LRP1B: variants seen among roughly 807,000 people sequenced by gnomAD.
LRP1B encodes the protein low-density lipoprotein receptor-related protein 1B.
A neutral mutation model predicts 556.6 loss-of-function variants in LRP1B; 217 were observed. That is an observed-to-expected ratio of 0.39 (90% CI 0.35 to 0.44). The LOEUF is 0.44. LRP1B is among the 20% of genes least tolerant of loss of function. The pLI, the probability that LRP1B is intolerant of heterozygous loss-of-function variation, is 1.00. For missense variants in LRP1B, 5,053 were observed against 5,620.8 expected, an observed-to-expected ratio of 0.90 and a Z score of 3.23; for synonymous variants, 2,047 against 1,865.8, an observed-to-expected ratio of 1.10 and a Z score of -2.50.
intron 2 of LRP1B, among the ~76,000 whole-genome samples, chr2:141,709,522 T>C (rs1574268721): frequency 6.6e-6 from 1 of 152,174 alleles, no homozygotes; most frequent in African/African-American, 2.4e-5. Context: ...AAAGAATTTA[T>C]TAGACTCCAA....
chr2:141,392,533 G>T lies in LRP1B; in HGVS notation c.343+87863C>A, dbSNP rs186860556. The stretch of plus-strand genomic sequence containing the variant: ...ATGCATGGGGCAGGAAAAAGGGGGA[G>T]ATCAGATGACCCAATAAGTCTGGTG... On this transcript the variant is annotated intron_variant, in intron 3 of 90. Transcript: ENST00000389484. Among the ~76,000 whole-genome samples the T allele has an allele frequency of 2.0e-5, 3 of 151,480 alleles. No homozygotes were observed. The East Asian group carries it at 5.8e-4, about 29-fold the overall frequency.
At chr2:141,919,868 G>A (rs182758113) in intron 1 of LRP1B, among the ~76,000 whole-genome samples, 1 of 151,916 alleles carries the variant, frequency 6.6e-6, no homozygotes, top group Non-Finnish European at 1.5e-5. Flanking sequence ...TTATGAAATA[G>A]ATCTTAGAAA....
chr2:141,155,932 T>A (rs1036313542), intron 7 of LRP1B, among the ~76,000 whole-genome samples: 1 of 152,180 alleles, frequency 6.6e-6, no homozygotes, highest in Non-Finnish European at 1.5e-5. Context: ...AACCTTAAGA[T>A]GATGTCAGGA....
chr2:141,515,196 G>A (rs1684267949), intron 2 of LRP1B, among the ~76,000 whole-genome samples: 1 of 152,020 alleles, frequency 6.6e-6, no homozygotes, highest in African/African-American at 2.4e-5. Context: ...CAGCTACTCA[G>A]GAGGCTGAGG....
intron 89 of LRP1B, 173 bp from the exon 90 acceptor site, chr2:140,235,057 T>C (rs1680637209): frequency 2.5e-6 from 1 of 403,902 alleles, no homozygotes; most frequent in Non-Finnish European, 4.4e-6. Flanking sequence ...ATATCCAATA[T>C]TAATATTATT....
At chr2:140,787,540 T>C (rs991696630) in intron 32 of LRP1B, among the ~76,000 whole-genome samples, 1 of 149,940 alleles carries the variant, frequency 6.7e-6, no homozygotes, top group Non-Finnish European at 1.5e-5. Context: ...ATGCCTATCT[T>C]CCTGTTTAAA....
chr2:140,611,410 G>A (rs1225136412), intron 41 of LRP1B, among the ~76,000 whole-genome samples: 1 of 152,014 alleles, frequency 6.6e-6, no homozygotes, highest in African/African-American at 2.4e-5. Context: ...AATTTTGATG[G>A]TATAATGTGA....
intron 1 of LRP1B, among the ~76,000 whole-genome samples, chr2:141,835,767 G>A (rs771322756): frequency 6.6e-6 from 1 of 151,464 alleles, no homozygotes; most frequent in Non-Finnish European, 1.5e-5. Flanking sequence ...AAAACAAAAT[G>A]TATTACATGG....
At chr2:141,162,337 A>G (rs1331350139) in intron 7 of LRP1B, among the ~76,000 whole-genome samples, 3 of 152,090 alleles carry the variant, frequency 2.0e-5, no homozygotes, top group African/African-American at 7.2e-5. Flanking sequence ...GAGGGGTAAC[A>G]TTACCCTGGA....
chr2:141,115,604 C>T (rs543486959), intron 7 of LRP1B, among the ~76,000 whole-genome samples: 3 of 149,864 alleles, frequency 2.0e-5, no homozygotes, highest in Admixed American at 1.3e-4. Flanking sequence ...CTACAGGCTC[C>T]CGCCACCATG....
chr2:140,864,954 G>A (rs78414799), intron 27 of LRP1B, among the ~76,000 whole-genome samples: 4,291 of 151,980 alleles, frequency 0.028, 194 homozygotes, highest in African/African-American at 0.098. Flanking sequence ...GGTACATCAC[G>A]CAATTAATAA....
intron 3 of LRP1B, among the ~76,000 whole-genome samples, chr2:141,299,948 G>A (rs1289985016): frequency 6.6e-6 from 1 of 152,130 alleles, no homozygotes; most frequent in African/African-American, 2.4e-5. Flanking sequence ...CCTCCAATAT[G>A]ATGGCATTAG....
At chr2:141,920,016 G>A (rs533478754) in intron 1 of LRP1B, among the ~76,000 whole-genome samples, 8 of 151,986 alleles carry the variant, frequency 5.3e-5, no homozygotes, top group African/African-American at 1.9e-4. Context: ...CATTTCAAGA[G>A]CCTTAAGCAA....
chr2:140,547,268 T>C (rs566577871), intron 43 of LRP1B, among the ~76,000 whole-genome samples: 204 of 152,234 alleles, frequency 1.3e-3, no homozygotes, highest in Non-Finnish European at 2.1e-3. Flanking sequence ...ACTTTGGCTG[T>C]GAATCATCTG....
intron 41 of LRP1B, among the ~76,000 whole-genome samples, chr2:140,649,864 G>C (rs1684613658): frequency 6.6e-6 from 1 of 152,212 alleles, no homozygotes; most frequent in South Asian, 2.1e-4. Flanking sequence ...TTATAGTTTG[G>C]CAATAAATAT....
chr2:141,254,842 G>A (rs751741295), intron 3 of LRP1B, among the ~76,000 whole-genome samples: 1 of 151,980 alleles, frequency 6.6e-6, no homozygotes, highest in African/African-American at 2.4e-5. Context: ...AGATCAATCT[G>A]TTTGGTCTCC....
At chr2:140,841,316 G>A (rs1346851794) in intron 29 of LRP1B, among the ~76,000 whole-genome samples, 3 of 152,110 alleles carry the variant, frequency 2.0e-5, no homozygotes, top group African/African-American at 7.2e-5. Context: ...GCAACAATTA[G>A]CATTGAAATT....
chr2:140,282,640 G>A (rs574921356), intron 84 of LRP1B, among the ~76,000 whole-genome samples: 2 of 151,752 alleles, frequency 1.3e-5, no homozygotes, highest in Non-Finnish European at 2.9e-5. Context: ...TAGCAGCAAA[G>A]GCAGCAGACC....
chr2:141,689,788 T>A (rs910212745), intron 2 of LRP1B, among the ~76,000 whole-genome samples: 3 of 151,822 alleles, frequency 2.0e-5, no homozygotes, highest in African/African-American at 7.2e-5. Flanking sequence ...CTCATAAATA[T>A]CTATTTTAGG....
Sources: allele counts gnomAD v4.1 joint callset (sites outside exome capture counted in the v4.1 genomes callset), GRCh38; gene constraint gnomAD v4.1.1; transcripts MANE v1.5; gene names NCBI Gene and HGNC (gene_info 2026-07-23, HGNC 2026-07-21).